The following EIF3K variants were observed in gnomAD, a reference collection of about 807,000 sequenced individuals.
The protein encoded by EIF3K is eukaryotic translation initiation factor 3 subunit K, also known as eIF-3 p28.
EIF3K carries 27 observed loss-of-function variants against 34.2 expected under a neutral mutation model. That is an observed-to-expected ratio of 0.79 (90% CI 0.58 to 1.09). The LOEUF is 1.09. Among genes scored for constraint, EIF3K ranks in the 50% least tolerant of loss-of-function variants. EIF3K has a pLI of 0.00. For synonymous variants in EIF3K, 105 were observed against 105.7 expected (o/e 0.99, Z 0.04); for missense variants, 232 against 275.4 (o/e 0.84, Z 1.11).
At chr19:38,633,488 A>G (rs1258170329) in intron 6 of EIF3K, among the ~76,000 whole-genome samples, 1 of 152,148 alleles carries the variant, frequency 6.6e-6, no homozygotes. Context: ...ATCTGTGGTC[A>G]GGAGTTCGAG....
intron 6 of EIF3K, among the ~76,000 whole-genome samples, chr19:38,634,593 C>A (rs1201720460): frequency 1.3e-5 from 2 of 151,410 alleles, no homozygotes; most frequent in Non-Finnish European, 2.9e-5. Flanking sequence ...AGCAAAAACT[C>A]CGTCTCAAAA....
intron 4 of EIF3K, 75 bp downstream of exon 4, chr19:38,626,177 G>T (rs1169189525): frequency 4.4e-6 from 6 of 1,370,808 alleles, no homozygotes; most frequent in Non-Finnish European, 6.2e-6. Context: ...TAACAACGGT[G>T]CACACTGACT....
intron 6 of EIF3K, 156 bp downstream of exon 6, chr19:38,632,834 C>A: frequency 3.2e-6 from 2 of 624,498 alleles, no homozygotes; most frequent in Non-Finnish European, 5.4e-6. Context: ...ATAAGACAGT[C>A]TCTGCCTTGA....
At chr19:38,631,414 T>C (rs1431343141) in intron 4 of EIF3K, among the ~76,000 whole-genome samples, 1 of 152,158 alleles carries the variant, frequency 6.6e-6, no homozygotes, top group Non-Finnish European at 1.5e-5. Context: ...CTCTGCATCA[T>C]AAACAAGGTA....
chr19:38,621,935 A>C (rs1599729833), intron 2 of EIF3K, among the ~76,000 whole-genome samples: 1 of 106,012 alleles, frequency 9.4e-6, no homozygotes, highest in Admixed American at 1.3e-4. Flanking sequence ...TGGAGACAGG[A>C]TCTTCTGTTG....
intron 4 of EIF3K, among the ~76,000 whole-genome samples, chr19:38,629,391 C>T (rs927588494): frequency 1.3e-5 from 2 of 152,168 alleles, no homozygotes; most frequent in African/African-American, 4.8e-5. Context: ...ACCTCCCAGG[C>T]TCAAGTGATC....
chr19:38,623,524 C>G (rs1210177863), intron 2 of EIF3K, among the ~76,000 whole-genome samples: 2 of 152,172 alleles, frequency 1.3e-5, no homozygotes, highest in African/African-American at 4.8e-5. Flanking sequence ...AGGCTGGTCT[C>G]GAACTCCTGA....
chr19:38,627,934 T>C (rs1417453211), intron 4 of EIF3K, among the ~76,000 whole-genome samples: 2 of 147,652 alleles, frequency 1.4e-5, no homozygotes, highest in African/African-American at 5.2e-5. Flanking sequence ...AGACCATGTC[T>C]CGCTGTGTCA....
chr19:38,620,436 G>GT lies in EIF3K; in HGVS notation c.158+2dup. ...AAGCCAACCTGGCTGTCCTGAAGCT[G>GT]TAAGTGTCTAGCTCTCTGTCTACAC... On this transcript the variant is annotated splice_donor_variant, in intron 2 of 7. Coordinates refer to ENST00000248342, the MANE Select transcript of EIF3K (RefSeq NM_013234.4). LOFTEE classifies it high-confidence loss of function. The GT allele has an allele frequency of 6.2e-7, 1 of 1,613,326 alleles. No homozygotes were observed. The highest frequency in any genetic ancestry group is 8.5e-7 in the Non-Finnish European group (1 of 1,179,630).
chr19:38,619,428 G>C, intron 1 of EIF3K, 101 bp downstream of exon 1: 1 of 1,372,828 alleles, frequency 7.3e-7, no homozygotes, highest in South Asian at 1.2e-5. Flanking sequence ...TTGCCGCGGG[G>C]TGGGGTTTCT....
At chr19:38,632,541 G>C (rs754308092) in intron 5 of EIF3K, 45 bp downstream of exon 5, 2 of 1,613,766 alleles carry the variant, frequency 1.2e-6, no homozygotes, top group South Asian at 2.2e-5. Context: ...GAAGGGGTAG[G>C]GAGTGGCAGC....
chr19:38,632,942 G>A (rs979980666), intron 6 of EIF3K: 1 of 426,124 alleles, frequency 2.3e-6, no homozygotes, highest in Non-Finnish European at 4.2e-6. Context: ...AACAAAGTGG[G>A]ATGGCTCCAA....
intron 6 of EIF3K, 104 bp from the exon 7 acceptor site, chr19:38,634,889 G>T: frequency 6.5e-7 from 1 of 1,529,574 alleles, no homozygotes; most frequent in South Asian, 1.2e-5. Flanking sequence ...AGTGGGCAAG[G>T]GGGGCTGCCC....
intron 3 of EIF3K, among the ~76,000 whole-genome samples, chr19:38,624,626 TACTC>T (rs1332659192): frequency 1.3e-5 from 2 of 152,004 alleles, no homozygotes; most frequent in Non-Finnish European, 2.9e-5. Flanking sequence ...TAGTCCCAGT[TACTC>T]AGGAGGCTGA....
At chr19:38,634,307 C>T (rs1265066316) in intron 6 of EIF3K, among the ~76,000 whole-genome samples, 1 of 142,036 alleles carries the variant, frequency 7.0e-6, no homozygotes, top group Non-Finnish European at 1.5e-5. Flanking sequence ...GGTTTCACCA[C>T]GTTGGCCAGG....
chr19:38,632,522 C>T (rs201834233), intron 5 of EIF3K, 26 bp downstream of exon 5: 979 of 1,613,990 alleles, frequency 6.1e-4, no homozygotes, highest in Non-Finnish European at 6.7e-4. Context: ...AGGCTGGGCT[C>T]CCCAAGGGGA....
chr19:38,628,151 G>A (rs1975987079), intron 4 of EIF3K, among the ~76,000 whole-genome samples: 2 of 152,026 alleles, frequency 1.3e-5, no homozygotes, highest in Non-Finnish European at 2.9e-5. Flanking sequence ...TGATCTGCCC[G>A]CCTTGGCCTT....
chr19:38,621,393 A>C (rs1975837390), intron 2 of EIF3K, among the ~76,000 whole-genome samples: 1 of 152,190 alleles, frequency 6.6e-6, no homozygotes, highest in Non-Finnish European at 1.5e-5. Context: ...AGCTTGGGCG[A>C]CAGAGTGAGA....
intron 1 of EIF3K, 130 bp from the exon 2 acceptor site, chr19:38,620,207 G>A: frequency 1.4e-6 from 1 of 697,816 alleles, no homozygotes; most frequent in Non-Finnish European, 2.5e-6. Flanking sequence ...TACCTGGATA[G>A]AGCAAGTGGC....
Sources: allele counts gnomAD v4.1 joint callset (sites outside exome capture counted in the v4.1 genomes callset), GRCh38; gene constraint gnomAD v4.1.1; transcripts MANE v1.5; gene names NCBI Gene and HGNC (gene_info 2026-07-23, HGNC 2026-07-21).